The following DENND3 variants were observed in gnomAD, a reference collection of about 807,000 sequenced individuals.
The protein encoded by DENND3 is DENN domain containing 3.
A neutral mutation model predicts 135.1 loss-of-function variants in DENND3; 88 were observed. The observed-to-expected ratio is 0.65, with a 90% CI of 0.55 to 0.78. The LOEUF (loss-of-function observed/expected upper bound fraction) is 0.78. Ranked by LOEUF, DENND3 falls within the 30% of genes least tolerant of loss-of-function variation. DENND3 has a pLI of 0.00. For missense variants in DENND3, 1,392 were observed against 1,688.4 expected, an observed-to-expected ratio of 0.82 and a Z score of 3.08; for synonymous variants, 693 against 712.3, an observed-to-expected ratio of 0.97 and a Z score of 0.43.
chr8:141,180,742 T>G lies in DENND3; in HGVS notation c.2837-5T>G. The G allele has an allele frequency of 1.2e-6, 2 of 1,611,750 alleles. No individual in the cohort carries two copies. Among genetic ancestry groups the G allele is most frequent in the Non-Finnish European group, 1.7e-6 (2 of 1,178,772 alleles). The stretch of plus-strand genomic sequence containing the variant: ...CAGTAACACTCCAAGTGTCTTGTCT[T>G]TCAGTGCCCATGACGCTTCCGGAGA... On this transcript the variant is annotated splice_polypyrimidine_tract_variant and splice_region_variant and intron_variant, in intron 16 of 22. Coordinates refer to ENST00000519811, the MANE Select transcript of DENND3 (RefSeq NM_001352890.3).
At chr8:141,151,079 TTTA>T in intron 6 of DENND3, 126 bp downstream of exon 6, 2 of 1,305,982 alleles carry the variant, frequency 1.5e-6, no homozygotes. Flanking sequence ...ACTCGAAATG[TTTA>T]TTATTATTTT....
chr8:141,134,267 T>C (rs1344107990), intron 1 of DENND3, among the ~76,000 whole-genome samples: 1 of 152,162 alleles, frequency 6.6e-6, no homozygotes, highest in African/African-American at 2.4e-5. Flanking sequence ...TAAAATAATA[T>C]GGATTTCCCA....
intron 10 of DENND3, 79 bp from the exon 11 acceptor site, chr8:141,165,107 C>A: frequency 9.2e-7 from 1 of 1,085,436 alleles, no homozygotes; most frequent in African/African-American, 1.6e-5. Context: ...CAGTTCTGTG[C>A]CAGGAAGGCT....
intron 18 of DENND3, chr8:141,185,582 T>C (rs972837408): frequency 6.3e-5 from 15 of 237,446 alleles, no homozygotes; most frequent in African/African-American, 3.1e-4. Flanking sequence ...CTCAGCACTT[T>C]GGGAGGCTGA....
intron 11 of DENND3, among the ~76,000 whole-genome samples, chr8:141,165,764 T>C (rs142007976): frequency 8.7e-4 from 132 of 152,282 alleles, no homozygotes; most frequent in African/African-American, 3.0e-3. Context: ...ACTCCTGGCC[T>C]GTTTCTACTT....
chr8:141,163,553 A>G, intron 10 of DENND3, 124 bp downstream of exon 10: 1 of 593,712 alleles, frequency 1.7e-6, no homozygotes, highest in Non-Finnish European at 2.9e-6. Flanking sequence ...TTGTTTTAGC[A>G]TGGTTCCTTT....
intron 13 of DENND3, among the ~76,000 whole-genome samples, chr8:141,169,994 C>T (rs141201067): frequency 2.8e-3 from 420 of 152,318 alleles, no homozygotes; most frequent in African/African-American, 9.7e-3. Flanking sequence ...ATGTGAGAAC[C>T]GTCAGTCGGG....
intron 18 of DENND3, among the ~76,000 whole-genome samples, chr8:141,187,281 C>T (rs1291578886): frequency 1.3e-5 from 2 of 149,570 alleles, no homozygotes; most frequent in Non-Finnish European, 3.0e-5. Context: ...TTGACAGGGT[C>T]CCTCTCCCAT....
chr8:141,153,092 C>CTTTT (rs35650187), intron 7 of DENND3, among the ~76,000 whole-genome samples: 25 of 119,336 alleles, frequency 2.1e-4, no homozygotes, highest in African/African-American at 2.7e-4. Flanking sequence ...CAATATCTTT[C>CTTTT]TTTTTTTTTT....
intron 5 of DENND3, among the ~76,000 whole-genome samples, chr8:141,145,822 TATATATATATATATATATATA>T (rs1817978311): frequency 9.5e-4 from 32 of 33,522 alleles, no homozygotes; most frequent in African/African-American, 3.5e-3. Context: ...TATATATATA[TATATATATATATATATATATA>T]TATATATGTA....
intron 1 of DENND3, among the ~76,000 whole-genome samples, chr8:141,135,421 G>C (rs186751662): frequency 6.6e-6 from 1 of 152,280 alleles, no homozygotes; most frequent in South Asian, 2.1e-4. Context: ...CAAAGTGCTG[G>C]GATCACAGGC....
intron 20 of DENND3, among the ~76,000 whole-genome samples, chr8:141,191,031 TTTC>T (rs1824680302): frequency 6.6e-6 from 1 of 152,260 alleles, no homozygotes; most frequent in Non-Finnish European, 1.5e-5. Context: ...GGGAATATGT[TTTC>T]TTTTTTGTAA....
chr8:141,166,609 T>C lies in DENND3; in HGVS notation c.1753+220T>C, dbSNP rs1254335499. 6.6e-6 allele frequency among the ~76,000 whole-genome samples: 1 copy of C among 152,222 alleles called. No individual in the cohort carries two copies. The highest frequency in any genetic ancestry group is 1.5e-5 in the Non-Finnish European group (1 of 68,028). On this transcript the variant is annotated intron_variant, in intron 12 of 22. Coordinates refer to ENST00000519811, the MANE Select transcript of DENND3 (RefSeq NM_001352890.3). This position sits in a 1 kb window ranked among gnomAD's most constrained non-coding sequence, Gnocchi z 4.3. ...TGCCACCCAGTGTCACCGCTAAAGA[T>C]AACGGGGGCTCGGCATGGTTCGGCA...
intron 19 of DENND3, 140 bp from the exon 20 acceptor site, chr8:141,190,144 C>A: frequency 8.8e-7 from 1 of 1,142,182 alleles, no homozygotes; most frequent in Non-Finnish European, 1.2e-6. Context: ...ATTATGTTTG[C>A]ATGTTATTAT....
chr8:141,157,883 C>T lies in DENND3; in HGVS notation c.1196+1913C>T, dbSNP rs142265354. On this transcript the variant is annotated intron_variant, in intron 8 of 22. Transcript: ENST00000519811. ...CAAGCGATTCTCCTGCCTCAGCCTCCGGAGTAGCCGGGATTACAGGCATCT... is the reference window on the plus strand; with the variant it reads ...CAAGCGATTCTCCTGCCTCAGCCTCTGGAGTAGCCGGGATTACAGGCATCT... 457 of 863,520 alleles carry T rather than the reference C, an allele frequency of 5.3e-4. 1 individual carries two copies. In the African/African-American group the frequency reaches 5.9e-3, roughly 11 times the overall value. 53.5% of individuals were successfully genotyped at this position (863,520 alleles called of 1,614,324 possible).
Position 141,192,656 on chromosome 8 carries a change from A to T in DENND3, c.3629A>T (p.Lys1210Met). ...CSEINCMIRV[K>M]KQVWVGSRGL... Reference sequence around the variant, plus strand: ...GAGATCAACTGCATGATCCGGGTGAAGAAGCAGGTAGGGTGGAGGGCCCGC... The same window carrying T: ...GAGATCAACTGCATGATCCGGGTGATGAAGCAGGTAGGGTGGAGGGCCCGC... Residue 1210 changes from lysine (K) to methionine (M), a missense_variant, in exon 22 of 23, where the codon AAG (lysine) becomes ATG (methionine). Lys to Met is a moderately conservative substitution (Grantham distance 95, BLOSUM62 -1). Coordinates refer to ENST00000519811, the MANE Select transcript of DENND3 (RefSeq NM_001352890.3). 1 of 1,606,464 alleles carries T rather than the reference A, an allele frequency of 6.2e-7. No homozygotes were observed. Among genetic ancestry groups the T allele is most frequent in the Non-Finnish European group, 8.5e-7 (1 of 1,175,100 alleles).
chr8:141,168,042 A>G lies in DENND3; in HGVS notation c.1792A>G (p.Ile598Val), dbSNP rs752943824. 3 of 1,613,738 alleles carry G rather than the reference A, an allele frequency of 1.9e-6. No homozygotes were observed. In the South Asian group the frequency reaches 3.3e-5, roughly 18 times the overall value. The part of the protein sequence containing the change: ...VTPKSPYTFK[I>V]PEIHFPLESK... The stretch of plus-strand genomic sequence containing the variant: ...GCCGAAGTCCCCGTATACATTCAAG[A>G]TTCCCGAAATCCACTTTCCGCTGGA... The change falls in exon 13 of 23, where the codon ATT becomes GTT. Residue 598 changes from isoleucine (I) to valine (V), a missense_variant. Coordinates refer to ENST00000519811, the MANE Select transcript of DENND3 (RefSeq NM_001352890.3). The surrounding 1 kb of genome is among the most constrained non-coding windows in gnomAD (Gnocchi z 6.2).
In DENND3 at chr8:141,182,398, A is replaced by G; in HGVS notation, c.2944+1544A>G. The G allele has an allele frequency of 1.0e-6, 1 of 985,468 alleles. No homozygotes were observed. The highest frequency in any genetic ancestry group is 1.2e-6 in the Non-Finnish European group (1 of 829,920). 61.0% of individuals were successfully genotyped at this position (985,468 alleles called of 1,614,324 possible). On this transcript the variant is annotated intron_variant, in intron 17 of 22. Coordinates refer to ENST00000519811, the MANE Select transcript of DENND3 (RefSeq NM_001352890.3). The surrounding 1 kb of genome is among the most constrained non-coding windows in gnomAD (Gnocchi z 5.9). ...ATCAGGGCCGCCCCGCGTGAGCCCT[A>G]CCTGATGTGTCTAAGCCAGGCTCTG...
At chr8:141,183,261 A>AT (rs1823413084) in intron 17 of DENND3, among the ~76,000 whole-genome samples, 1 of 152,022 alleles carries the variant, frequency 6.6e-6, no homozygotes, top group South Asian at 2.1e-4. Flanking sequence ...TATTATTTTT[A>AT]TTTTTTCTGA....
Sources: allele counts gnomAD v4.1 joint callset (sites outside exome capture counted in the v4.1 genomes callset), GRCh38; gene constraint gnomAD v4.1.1; non-coding constraint Gnocchi (gnomAD v3.1); transcripts MANE v1.5; gene names NCBI Gene and HGNC (gene_info 2026-07-23, HGNC 2026-07-21).